Variants in TMTC2 observed in about 807,000 individuals in gnomAD.
TMTC2 encodes protein O-mannosyl-transferase TMTC2.
In TMTC2, 43 loss-of-function variants were observed where a neutral mutation model predicts 82.4. That is an observed-to-expected ratio of 0.52 (90% CI 0.41 to 0.67). TMTC2 has a LOEUF of 0.67. Among genes scored for constraint, TMTC2 ranks in the 30% least tolerant of loss-of-function variants. The pLI, the probability that TMTC2 is intolerant of heterozygous loss-of-function variation, is 0.00. For missense variants in TMTC2, 919 were observed against 1,012.4 expected (o/e 0.91, Z 1.25); for synonymous variants, 408 against 381.9 (o/e 1.07, Z -0.80).
At chr12:82,922,091 G>A (rs775304312) in intron 3 of TMTC2, among the ~76,000 whole-genome samples, 10 of 151,934 alleles carry the variant, frequency 6.6e-5, no homozygotes, top group East Asian at 1.9e-4. Context: ...TGGGCAACAG[G>A]AAAAAATAAA....
chr12:82,947,929 A>T (rs1877115334), intron 4 of TMTC2, among the ~76,000 whole-genome samples: 1 of 152,110 alleles, frequency 6.6e-6, no homozygotes, highest in African/African-American at 2.4e-5. Context: ...CTTGTCTACC[A>T]ATTTGGCTCC....
chr12:83,121,501 T>C (rs1884945823), intron 11 of TMTC2, among the ~76,000 whole-genome samples: 1 of 152,156 alleles, frequency 6.6e-6, no homozygotes. Flanking sequence ...TCCTATAATG[T>C]GCACCATCCG....
intron 11 of TMTC2, among the ~76,000 whole-genome samples, chr12:83,085,617 C>T (rs1192067752): frequency 6.6e-6 from 1 of 152,130 alleles, no homozygotes; most frequent in Non-Finnish European, 1.5e-5. Flanking sequence ...TGAGAATTAA[C>T]CATCTGAGCT....
intron 11 of TMTC2, among the ~76,000 whole-genome samples, chr12:83,103,297 G>A (rs866194940): frequency 1.1e-4 from 17 of 152,324 alleles, no homozygotes; most frequent in African/African-American, 4.1e-4. Context: ...GGAATTTCAG[G>A]TGTGTGTTAG....
chr12:82,770,783 C>A (rs746666428), intron 1 of TMTC2, among the ~76,000 whole-genome samples: 2 of 152,098 alleles, frequency 1.3e-5, no homozygotes, highest in Non-Finnish European at 2.9e-5. Context: ...TAAAGTATAA[C>A]CTTTATGACT....
intron 11 of TMTC2, among the ~76,000 whole-genome samples, chr12:83,092,316 C>T (rs796308682): frequency 6.6e-6 from 1 of 152,172 alleles, no homozygotes; most frequent in Non-Finnish European, 1.5e-5. Context: ...CATCCTGCCC[C>T]CCTTAGAGCA....
At chr12:83,003,198 T>G (rs1880005543) in intron 8 of TMTC2, among the ~76,000 whole-genome samples, 2 of 152,150 alleles carry the variant, frequency 1.3e-5, no homozygotes, top group Admixed American at 1.3e-4. Context: ...TTGGCTGTTG[T>G]TGGTTTAACG....
chr12:82,696,805 A>G (rs1872810134), intron 1 of TMTC2, among the ~76,000 whole-genome samples: 1 of 152,080 alleles, frequency 6.6e-6, no homozygotes, highest in Non-Finnish European at 1.5e-5. Context: ...TGGCCCTCTG[A>G]TAACTTGCCT....
chr12:82,871,567 T>C (rs1872177782), intron 2 of TMTC2, among the ~76,000 whole-genome samples: 1 of 152,164 alleles, frequency 6.6e-6, no homozygotes. Context: ...AGTGCTAATA[T>C]AATTCCTTAT....
intron 1 of TMTC2, among the ~76,000 whole-genome samples, chr12:82,847,800 T>G (rs1267726208): frequency 1.3e-5 from 2 of 150,778 alleles, no homozygotes; most frequent in Non-Finnish European, 3.0e-5. Context: ...TGTCAGGGGG[T>G]GTGGGACTTG....
At chr12:82,800,501 G>A (rs1476074569) in intron 1 of TMTC2, among the ~76,000 whole-genome samples, 1 of 152,148 alleles carries the variant, frequency 6.6e-6, no homozygotes, top group Non-Finnish European at 1.5e-5. Context: ...TGCATTTATT[G>A]TGTTTTCAGA....
At chr12:82,910,041 A>G (rs903626981) in intron 3 of TMTC2, among the ~76,000 whole-genome samples, 7 of 152,166 alleles carry the variant, frequency 4.6e-5, no homozygotes, top group African/African-American at 1.7e-4. Context: ...AATTGCTGAT[A>G]TTGTTAAAGA....
intron 1 of TMTC2, among the ~76,000 whole-genome samples, chr12:82,769,010 A>G (rs955012373): frequency 6.6e-6 from 1 of 151,738 alleles, no homozygotes; most frequent in African/African-American, 2.4e-5. Context: ...ACAGCATACC[A>G]AAACACACAC....
intron 4 of TMTC2, among the ~76,000 whole-genome samples, chr12:82,939,894 G>C (rs1460730038): frequency 9.9e-5 from 15 of 151,958 alleles, no homozygotes; most frequent in Non-Finnish European, 2.9e-5. Context: ...AAGTTAACTG[G>C]AAGTCCAGTT....
chr12:82,730,566 C>T (rs1565725742), intron 1 of TMTC2, among the ~76,000 whole-genome samples: 1 of 152,148 alleles, frequency 6.6e-6, no homozygotes, highest in Admixed American at 6.5e-5. Context: ...TGAGCATTCT[C>T]TTGAATCCAT....
At chr12:82,709,082 AT>A (rs34138059) in intron 1 of TMTC2, among the ~76,000 whole-genome samples, 5,974 of 141,550 alleles carry the variant, frequency 0.042, 151 homozygotes, top group Non-Finnish European at 0.06. Context: ...CTGTGATAGG[AT>A]TTTTTTTTTT....
At chr12:82,815,421 C>G (rs934683689) in intron 1 of TMTC2, among the ~76,000 whole-genome samples, 144 of 151,888 alleles carry the variant, frequency 9.5e-4, no homozygotes, top group African/African-American at 3.3e-3. Flanking sequence ...CGCCATTGTC[C>G]TGCCTCAGCC....
intron 1 of TMTC2, among the ~76,000 whole-genome samples, chr12:82,790,175 TAA>T (rs368323390): frequency 1.1e-3 from 153 of 136,292 alleles, no homozygotes; most frequent in Admixed American, 1.3e-3. Context: ...CCTTGTCTCT[TAA>T]AAAAAAAAAA....
intron 8 of TMTC2, among the ~76,000 whole-genome samples, chr12:83,013,381 C>CA (rs1056549029): frequency 6.6e-6 from 1 of 152,094 alleles, no homozygotes; most frequent in Admixed American, 6.6e-5. Flanking sequence ...TCTTTAGGCA[C>CA]ATAGCTTATT....
Sources: allele counts gnomAD v4.1 joint callset (sites outside exome capture counted in the v4.1 genomes callset), GRCh38; gene constraint gnomAD v4.1.1; transcripts MANE v1.5; gene names NCBI Gene and HGNC (gene_info 2026-07-23, HGNC 2026-07-21).